Variants in KCNQ3 observed in about 807,000 individuals in gnomAD.
KCNQ3 encodes potassium voltage-gated channel subfamily Q member 3.
KCNQ3 carries 30 observed loss-of-function variants against 92.5 expected under a neutral mutation model. That is an observed-to-expected ratio of 0.32 (90% confidence interval 0.24 to 0.44). KCNQ3 has a LOEUF of 0.44. KCNQ3 is among the 20% of genes least tolerant of loss of function. The pLI is 1.00. For missense variants in KCNQ3, 913 were observed against 1,140.3 expected, an observed-to-expected ratio of 0.80 and a Z score of 2.87; for synonymous variants, 450 against 468.8, an observed-to-expected ratio of 0.96 and a Z score of 0.52.
chr8:132,222,068 G>A (rs1814256818), intron 1 of KCNQ3, among the ~76,000 whole-genome samples: 1 of 152,154 alleles, frequency 6.6e-6, no homozygotes, highest in African/African-American at 2.4e-5. Flanking sequence ...TGACAAATGG[G>A]ATCTAATTAA....
intron 1 of KCNQ3, among the ~76,000 whole-genome samples, chr8:132,363,464 G>A (rs111676271): frequency 0.019 from 2,964 of 152,188 alleles, 36 homozygotes; most frequent in Non-Finnish European, 0.025. Context: ...GGAGGAAGGG[G>A]AGAGGGTGTC....
intron 1 of KCNQ3, among the ~76,000 whole-genome samples, chr8:132,399,035 C>A (rs956816607): frequency 6.6e-6 from 1 of 152,176 alleles, no homozygotes; most frequent in Non-Finnish European, 1.5e-5. Flanking sequence ...TTGAGACAGG[C>A]ATCGTAAAAG....
rs181998163 is a variant in KCNQ3 at position 132,161,121 on chromosome 8, C to T, written c.1262+2347G>A. Among the ~76,000 whole-genome samples the T allele has an allele frequency of 2.8e-4, 43 of 152,254 alleles. No individual in the cohort carries two copies. The East Asian group carries it at 7.2e-3, about 25-fold the overall frequency. ...GTAAATCAAAACATTCAAGACAGCC[C>T]TTATAAAGCCATAGCTTTATAACTA... On this transcript the variant is annotated intron_variant, in intron 9 of 14. Transcript: ENST00000388996.
chr8:132,139,787 C>T (rs1007933752), intron 11 of KCNQ3, among the ~76,000 whole-genome samples: 3 of 152,124 alleles, frequency 2.0e-5, no homozygotes, highest in African/African-American at 7.2e-5. Flanking sequence ...ATGGTAGTTA[C>T]AGACAGAGCA....
chr8:132,129,033 C>A lies in KCNQ3; in HGVS notation c.*229G>T. The A allele has an allele frequency of 1.7e-6, 1 of 588,266 alleles. No individual in the cohort carries two copies. The highest frequency in any genetic ancestry group is 3.0e-6 in the Non-Finnish European group (1 of 330,618). The allele number at this position is 588,266 out of a possible 1,614,324, so 36.4% of individuals were successfully genotyped here. On this transcript the variant is annotated 3_prime_UTR_variant, in exon 15 of 15. Transcript: ENST00000388996. The surrounding 1 kb of genome is among the most constrained non-coding windows in gnomAD (Gnocchi z 5.9). ...GTATCCTAGAAGAGATTAGCGGAAC[C>A]ATTTATATAGTGTAAAGTCATGCAA...
At chr8:132,188,419 G>A (rs1827065278) in intron 1 of KCNQ3, among the ~76,000 whole-genome samples, 1 of 152,162 alleles carries the variant, frequency 6.6e-6, no homozygotes, top group South Asian at 2.1e-4. Flanking sequence ...TCATTCATAG[G>A]CTCTGTAGAG....
chr8:132,184,761 T>A (rs1317541017), intron 2 of KCNQ3, among the ~76,000 whole-genome samples: 6 of 152,168 alleles, frequency 3.9e-5, no homozygotes, highest in Admixed American at 3.9e-4. Context: ...TTCCACCCAG[T>A]GCCTGTACCC....
At chr8:132,182,069 C>CAA (rs11320609) in intron 3 of KCNQ3, among the ~76,000 whole-genome samples, 14 of 143,690 alleles carry the variant, frequency 9.7e-5, no homozygotes, top group African/African-American at 2.8e-4. Flanking sequence ...CCATAAAAAA[C>CAA]AAAAAAAAAA....
chr8:132,179,615 G>A (rs1335322230), intron 4 of KCNQ3, among the ~76,000 whole-genome samples: 1 of 152,090 alleles, frequency 6.6e-6, no homozygotes, highest in Non-Finnish European at 1.5e-5. Flanking sequence ...TACCTTCTAA[G>A]TGCTCTTCAC....
intron 1 of KCNQ3, among the ~76,000 whole-genome samples, 198 bp downstream of exon 1, chr8:132,479,949 A>AACACACACACACACACAC (rs371967111): frequency 1.7e-3 from 229 of 137,172 alleles, no homozygotes; most frequent in East Asian, 5.3e-3. Context: ...GGAGAGCGGC[A>AACACACACACACACACAC]ACACACACAC....
intron 1 of KCNQ3, among the ~76,000 whole-genome samples, chr8:132,206,230 T>A (rs1048590832): frequency 6.6e-6 from 1 of 152,088 alleles, no homozygotes; most frequent in Non-Finnish European, 1.5e-5. Flanking sequence ...ATCACCTGGG[T>A]TTCCACAGCC....
intron 1 of KCNQ3, among the ~76,000 whole-genome samples, chr8:132,309,038 A>G (rs917167127): frequency 2.6e-5 from 4 of 152,158 alleles, no homozygotes; most frequent in African/African-American, 9.7e-5. Flanking sequence ...CCCACCCTCA[A>G]TCTGGGTGGG....
At chr8:132,234,775 C>A (rs901844886) in intron 1 of KCNQ3, among the ~76,000 whole-genome samples, 1 of 152,156 alleles carries the variant, frequency 6.6e-6, no homozygotes, top group Non-Finnish European at 1.5e-5. Context: ...ATAGCTTGTG[C>A]TCTTGTCACC....
chr8:132,463,552 T>C (rs1349148939), intron 1 of KCNQ3, among the ~76,000 whole-genome samples: 2 of 152,236 alleles, frequency 1.3e-5, no homozygotes, highest in African/African-American at 2.4e-5. Context: ...AGACCTCTAA[T>C]ATGATTGCAA....
chr8:132,147,764 C>A (rs2436146), intron 9 of KCNQ3, among the ~76,000 whole-genome samples: 2 of 151,944 alleles, frequency 1.3e-5, no homozygotes, highest in Non-Finnish European at 2.9e-5. Context: ...ATCTGTCTTG[C>A]GCCATTTTGA....
At chr8:132,256,239 T>C (rs1815582952) in intron 1 of KCNQ3, among the ~76,000 whole-genome samples, 1 of 152,066 alleles carries the variant, frequency 6.6e-6, no homozygotes, top group South Asian at 2.1e-4. Flanking sequence ...GAAGTCAACA[T>C]TATGCTTGAG....
rs150778628 is a variant in KCNQ3 at position 132,345,923 on chromosome 8, G to GTGA, written c.386+134221_386+134223dup. Among the ~76,000 whole-genome samples, 99 of 151,608 alleles carry GTGA rather than the reference G, an allele frequency of 6.5e-4. No homozygotes were observed. The Middle Eastern group carries it at 0.01, about 16-fold the overall frequency. On this transcript the variant is annotated intron_variant, in intron 1 of 14. Coordinates refer to ENST00000388996, the MANE Select transcript of KCNQ3 (RefSeq NM_004519.4). ...ATGATGATGACTTAATGGTAATAAC[G>GTGA]TGATGATGATGATGATGATGATGGT...
At chr8:132,344,701 T>C (rs1388587839) in intron 1 of KCNQ3, among the ~76,000 whole-genome samples, 1 of 152,072 alleles carries the variant, frequency 6.6e-6, no homozygotes, top group Non-Finnish European at 1.5e-5. Flanking sequence ...GATCACAACA[T>C]AGGCTACAGG....
chr8:132,359,132 G>A (rs370891739), intron 1 of KCNQ3, among the ~76,000 whole-genome samples: 1 of 152,066 alleles, frequency 6.6e-6, no homozygotes, highest in African/African-American at 2.4e-5. Flanking sequence ...ATAATTGGGA[G>A]GGTCAAATAC....
Sources: allele counts gnomAD v4.1 joint callset (sites outside exome capture counted in the v4.1 genomes callset), GRCh38; gene constraint gnomAD v4.1.1; non-coding constraint Gnocchi (gnomAD v3.1); transcripts MANE v1.5; gene names NCBI Gene and HGNC (gene_info 2026-07-23, HGNC 2026-07-21).